SASH1: variants seen among roughly 807,000 people sequenced by gnomAD.
The protein encoded by SASH1 is SAM and SH3 domain-containing protein 1.
SASH1 carries 44 observed loss-of-function variants against 125.2 expected under a neutral mutation model. The observed-to-expected ratio is 0.35, with a 90% confidence interval of 0.28 to 0.45. The LOEUF is 0.45. Ranked by LOEUF, SASH1 falls within the 20% of genes least tolerant of loss-of-function variation. The pLI, the probability that SASH1 is intolerant of heterozygous loss-of-function variation, is 1.00. For missense variants in SASH1, 1,426 were observed against 1,614.5 expected (o/e 0.88, Z 2.00); for synonymous variants, 639 against 649.1 (o/e 0.98, Z 0.24).
intron 2 of SASH1, among the ~76,000 whole-genome samples, chr6:148,424,232 CTT>C (rs755742706): frequency 4.3e-5 from 6 of 140,620 alleles, no homozygotes; most frequent in African/African-American, 1.0e-4. Context: ...TGTTCTTCTT[CTT>C]TTTTTTTTTT....
intron 1 of SASH1, among the ~76,000 whole-genome samples, chr6:148,330,288 G>A (rs1001829905): frequency 6.6e-6 from 1 of 152,212 alleles, no homozygotes; most frequent in Non-Finnish European, 1.5e-5. Context: ...GATTAATTAC[G>A]TGAGTGAGAA....
intron 2 of SASH1, among the ~76,000 whole-genome samples, chr6:148,404,796 C>G (rs1349221576): frequency 2.3e-5 from 3 of 128,412 alleles, no homozygotes; most frequent in African/African-American, 9.1e-5. Context: ...CCCCAGTCCC[C>G]CTCCAACACC....
At chr6:148,226,989 A>C in the SASH1 span, among the ~76,000 whole-genome samples, 130 of 152,246 alleles carry the variant, frequency 8.5e-4, no homozygotes, top group Non-Finnish European at 1.6e-3. Context: ...AAAATTTTGG[A>C]TTGATGAGCA....
At chr6:148,517,448 G>A (rs1006415267) in intron 9 of SASH1, among the ~76,000 whole-genome samples, 3 of 152,198 alleles carry the variant, frequency 2.0e-5, no homozygotes, top group Non-Finnish European at 4.4e-5. Context: ...ATGTGATGGA[G>A]TGAGCTCATC....
intron 2 of SASH1, among the ~76,000 whole-genome samples, chr6:148,402,748 A>G (rs1213735285): frequency 1.3e-4 from 20 of 151,666 alleles, no homozygotes. Context: ...AGCTGGGACT[A>G]CAGGCGCCCG....
At chr6:148,347,020 A>G (rs942596025) in intron 1 of SASH1, among the ~76,000 whole-genome samples, 7 of 152,214 alleles carry the variant, frequency 4.6e-5, no homozygotes, top group Non-Finnish European at 7.3e-5. Flanking sequence ...CATAGTTGGC[A>G]GACACGGCAT....
At chr6:148,300,628 A>G (rs1779914297) in intron 1 of SASH1, among the ~76,000 whole-genome samples, 2 of 151,720 alleles carry the variant, frequency 1.3e-5, no homozygotes, top group East Asian at 3.9e-4. Context: ...GTATTTTTAT[A>G]TTTATATTCT....
chr6:148,363,039 A>C (rs1156922864), intron 1 of SASH1, among the ~76,000 whole-genome samples: 1 of 152,178 alleles, frequency 6.6e-6, no homozygotes, highest in Non-Finnish European at 1.5e-5. Context: ...GGGATTCCTG[A>C]AGTGGCTTCT....
chr6:148,291,971 G>A (rs73005681), intron 1 of SASH1, among the ~76,000 whole-genome samples: 3,023 of 152,222 alleles, frequency 0.02, 41 homozygotes, highest in Non-Finnish European at 0.03. Flanking sequence ...AAAGAATTTG[G>A]TTATTTTAAG....
At chr6:148,286,642 C>T (rs1298376359) in intron 1 of SASH1, among the ~76,000 whole-genome samples, 2 of 152,146 alleles carry the variant, frequency 1.3e-5, no homozygotes, top group Non-Finnish European at 2.9e-5. Context: ...ATAGCCATCT[C>T]TGTGTGTGTC....
intron 4 of SASH1, among the ~76,000 whole-genome samples, chr6:148,466,870 C>T (rs6930337): frequency 0.13 from 19,912 of 151,934 alleles, 2,030 homozygotes; most frequent in African/African-American, 0.27. Flanking sequence ...TCTTCCCTAG[C>T]CTTCAGATGC....
At chr6:148,228,618 C>T in the SASH1 span, among the ~76,000 whole-genome samples, 94 of 152,270 alleles carry the variant, frequency 6.2e-4, 3 homozygotes, top group South Asian at 8.9e-3. Flanking sequence ...AGGTTCCAGC[C>T]ACAGGATTAG....
intron 8 of SASH1, among the ~76,000 whole-genome samples, chr6:148,506,344 G>A (rs1343189194): frequency 2.0e-5 from 3 of 151,798 alleles, no homozygotes; most frequent in South Asian, 2.1e-4. Context: ...GCATACTGGC[G>A]GGTGCCTGTA....
chr6:148,267,539 C>T (rs933589209), upstream of SASH1, among the ~76,000 whole-genome samples: 7 of 151,950 alleles, frequency 4.6e-5, no homozygotes, highest in Non-Finnish European at 7.4e-5. Context: ...CCACCACGCC[C>T]GGCTAATTTT....
chr6:148,542,060 C>A (rs1351287549), intron 17 of SASH1, among the ~76,000 whole-genome samples: 2 of 152,080 alleles, frequency 1.3e-5, no homozygotes, highest in Non-Finnish European at 2.9e-5. Context: ...TTAATTCCCC[C>A]AACTGTTGGT....
At chr6:148,303,465 A>G (rs1780029341) in intron 1 of SASH1, among the ~76,000 whole-genome samples, 1 of 152,180 alleles carries the variant, frequency 6.6e-6, no homozygotes, top group Admixed American at 6.6e-5. Context: ...TTAGAAATCA[A>G]TAACAGAAGG....
Position 148,387,686 on chromosome 6 carries a change from T to C in SASH1, c.157-2448T>C, listed in dbSNP as rs137944800. 4.5e-4 allele frequency among the ~76,000 whole-genome samples: 57 copies of C among 126,128 alleles called. No homozygotes were observed. In the East Asian group the frequency reaches 0.012, roughly 27 times the overall value. The allele number at this position is 126,128 out of a possible 152,430, so 82.7% of individuals were successfully genotyped here. A position where few individuals can be genotyped will look rare whatever the true frequency, so the allele number is the denominator to read the frequency against. On this transcript the variant is annotated intron_variant, in intron 1 of 19. Coordinates refer to ENST00000367467, the MANE Select transcript of SASH1 (RefSeq NM_015278.5). Reference sequence around the variant, plus strand: ...TTTCTTTCTTTCTTTCTTTCTTTCTTTCTTTCGGCATCCTTAGTAAATTAT... The same window carrying C: ...TTTCTTTCTTTCTTTCTTTCTTTCTCTCTTTCGGCATCCTTAGTAAATTAT...
intron 1 of SASH1, among the ~76,000 whole-genome samples, chr6:148,366,659 G>A (rs1368283665): frequency 6.6e-6 from 1 of 152,240 alleles, no homozygotes; most frequent in Non-Finnish European, 1.5e-5. Context: ...GTGCAATGGT[G>A]CGATCTCAGC....
chr6:148,208,749 T>C, the SASH1 span, among the ~76,000 whole-genome samples: 4 of 152,162 alleles, frequency 2.6e-5, no homozygotes. Flanking sequence ...ATAAATCAAA[T>C]AGGCCAAACT....
Sources: allele counts gnomAD v4.1 joint callset (sites outside exome capture counted in the v4.1 genomes callset), GRCh38; gene constraint gnomAD v4.1.1; transcripts MANE v1.5; gene names NCBI Gene and HGNC (gene_info 2026-07-23, HGNC 2026-07-21).